Variants in KCND2 observed in about 807,000 individuals in gnomAD.
The protein encoded by KCND2 is potassium voltage-gated channel subfamily D member 2, also known as A-type voltage-gated potassium channel KCND2.
KCND2 carries 16 observed loss-of-function variants against 54.4 expected under a neutral mutation model. The ratio of observed to expected loss-of-function variants is 0.29; its 90% CI spans 0.20 to 0.45. The LOEUF (loss-of-function observed/expected upper bound fraction) is 0.45. Ranked by LOEUF, KCND2 falls within the 20% of genes least tolerant of loss-of-function variation. The pLI, the probability that KCND2 is intolerant of heterozygous loss-of-function variation, is 1.00. For synonymous variants in KCND2, 317 were observed against 310.7 expected (o/e 1.02, Z -0.21); for missense variants, 486 against 824.2 (o/e 0.59, Z 5.02).
chr7:120,274,409 G>T lies in KCND2; in HGVS notation c.-224G>T. The T allele has an allele frequency of 1.6e-6, 1 of 621,546 alleles. No homozygotes were observed. The highest frequency in any genetic ancestry group is 4.4e-4 in the Middle Eastern group (1 of 2,286). 38.5% of individuals were successfully genotyped at this position (621,546 alleles called of 1,614,324 possible). ...TTCTGTTGAGGGTGATTGTTAGGAC[G>T]TTGTATTTTGTTGCCATTATTCCAA... On this transcript the variant is annotated 5_prime_UTR_variant, in exon 1 of 6. Coordinates refer to ENST00000331113, the MANE Select transcript of KCND2 (RefSeq NM_012281.3).
chr7:120,568,079 A>G (rs922887961), intron 1 of KCND2, among the ~76,000 whole-genome samples: 1 of 152,152 alleles, frequency 6.6e-6, no homozygotes, highest in Admixed American at 6.6e-5. Context: ...CATCAAAAAA[A>G]AAAATTCAAG....
chr7:120,594,902 C>G (rs529526107), intron 1 of KCND2, among the ~76,000 whole-genome samples: 1 of 151,846 alleles, frequency 6.6e-6, no homozygotes, highest in Non-Finnish European at 1.5e-5. Context: ...TGCCTCTAAT[C>G]CTAGCTACTC....
chr7:120,357,021 A>C (rs983171247), intron 1 of KCND2, among the ~76,000 whole-genome samples: 2 of 152,074 alleles, frequency 1.3e-5, no homozygotes, highest in African/African-American at 4.8e-5. Context: ...TTCCCATAGT[A>C]AGCTCTTTAT....
intron 1 of KCND2, among the ~76,000 whole-genome samples, chr7:120,655,114 C>T (rs1033225587): frequency 1.3e-5 from 2 of 151,824 alleles, no homozygotes; most frequent in Admixed American, 1.3e-4. Flanking sequence ...AAGGGTTATA[C>T]ATGTTAATTC....
chr7:120,370,018 C>A (rs1800744298), intron 1 of KCND2, among the ~76,000 whole-genome samples: 1 of 151,898 alleles, frequency 6.6e-6, no homozygotes, highest in Non-Finnish European at 1.5e-5. Context: ...GGGGAAGAGA[C>A]TTGCAATGAA....
At chr7:120,450,325 G>T (rs764534003) in intron 1 of KCND2, among the ~76,000 whole-genome samples, 7 of 152,126 alleles carry the variant, frequency 4.6e-5, no homozygotes, top group Non-Finnish European at 7.4e-5. Flanking sequence ...CAGGAGAATC[G>T]ATTTAACCTG....
rs187869034 is a variant in KCND2 at position 120,688,153 on chromosome 7, A to G, written c.1116-44750A>G. On this transcript the variant is annotated intron_variant, in intron 1 of 5. Coordinates refer to ENST00000331113, the MANE Select transcript of KCND2 (RefSeq NM_012281.3). ...TCCTAGTTTATATTTAATGTAAAAA[A>G]TTGCAAATAACTGAAGTGTCCACTT... is the stretch of plus-strand genomic sequence containing the variant. 2.0e-5 allele frequency among the ~76,000 whole-genome samples: 3 copies of G among 152,328 alleles called. No individual in the cohort carries two copies. In the East Asian group the frequency reaches 5.8e-4, roughly 29 times the overall value.
At chr7:120,600,345 C>T (rs1022903980) in intron 1 of KCND2, among the ~76,000 whole-genome samples, 10 of 152,026 alleles carry the variant, frequency 6.6e-5, no homozygotes, top group African/African-American at 2.4e-4. Context: ...TAGTTCTGCT[C>T]TTTCAACTTC....
At chr7:120,612,082 A>G (rs1404601519) in intron 1 of KCND2, among the ~76,000 whole-genome samples, 1 of 152,224 alleles carries the variant, frequency 6.6e-6, no homozygotes, top group Non-Finnish European at 1.5e-5. Context: ...CATTTAACCA[A>G]TAGCACTCTC....
intron 1 of KCND2, among the ~76,000 whole-genome samples, chr7:120,686,669 A>G (rs559809082): frequency 6.6e-6 from 1 of 152,292 alleles, no homozygotes; most frequent in East Asian, 1.9e-4. Context: ...AGATGCAAGC[A>G]TTCCACATGC....
chr7:120,714,871 T>TAA (rs1204506003), intron 1 of KCND2, among the ~76,000 whole-genome samples: 2 of 151,850 alleles, frequency 1.3e-5, no homozygotes, highest in African/African-American at 2.4e-5. Flanking sequence ...TATATATATA[T>TAA]AATACCCACA....
chr7:120,440,196 G>C (rs1194405278), intron 1 of KCND2, among the ~76,000 whole-genome samples: 3 of 151,902 alleles, frequency 2.0e-5, no homozygotes, highest in African/African-American at 7.3e-5. Context: ...CATTCTAACT[G>C]GAGTGAGATG....
intron 1 of KCND2, among the ~76,000 whole-genome samples, chr7:120,680,557 G>T (rs1379060415): frequency 1.3e-5 from 2 of 152,132 alleles, no homozygotes; most frequent in Non-Finnish European, 2.9e-5. Flanking sequence ...TCTTTGATCA[G>T]ATGTCATGTT....
intron 1 of KCND2, among the ~76,000 whole-genome samples, chr7:120,574,138 C>T (rs938301301): frequency 6.6e-6 from 1 of 152,090 alleles, no homozygotes; most frequent in South Asian, 2.1e-4. Context: ...TTTTCTTGTT[C>T]TTTCACTAAA....
intron 1 of KCND2, among the ~76,000 whole-genome samples, chr7:120,323,576 A>G (rs1351381036): frequency 1.9e-4 from 29 of 149,122 alleles, no homozygotes; most frequent in Non-Finnish European, 3.9e-4. Flanking sequence ...GCGATAGTTT[A>G]CTGAGAATGA....
intron 1 of KCND2, among the ~76,000 whole-genome samples, chr7:120,585,329 G>A (rs370976941): frequency 1.6e-4 from 25 of 152,248 alleles, no homozygotes; most frequent in African/African-American, 5.8e-4. Flanking sequence ...TGGAGTGTGG[G>A]ACAGGAGATA....
chr7:120,381,216 C>T (rs1233016755), intron 1 of KCND2, among the ~76,000 whole-genome samples: 1 of 152,034 alleles, frequency 6.6e-6, no homozygotes, highest in African/African-American at 2.4e-5. Context: ...TATCACGCCA[C>T]TGTACTCCAG....
intron 1 of KCND2, among the ~76,000 whole-genome samples, chr7:120,516,258 C>T (rs1296290552): frequency 6.6e-6 from 1 of 151,880 alleles, no homozygotes; most frequent in African/African-American, 2.4e-5. Context: ...AATAATTTTC[C>T]TGGGATTTTA....
Position 120,404,979 on chromosome 7 carries a change from C to G in KCND2, c.1115+129232C>G, listed in dbSNP as rs184304647. 1.1e-3 allele frequency among the ~76,000 whole-genome samples: 175 copies of G among 152,210 alleles called. 1 individual carries two copies. Among genetic ancestry groups the G allele is most frequent in the African/African-American group, 4.1e-3 (172 of 41,558 alleles). ...AGTCACTCCAAAGTTACATTTGACT[C>G]TATAGAAAATCCCTTTGGGAATGAA... On this transcript the variant is annotated intron_variant, in intron 1 of 5. Transcript: ENST00000331113.
Sources: gnomAD v4.1 joint callset for allele counts (sites outside exome capture counted in the v4.1 genomes callset) on GRCh38, gnomAD v4.1.1 for gene constraint, MANE v1.5 for transcripts, NCBI Gene and HGNC (gene_info 2026-07-23, HGNC 2026-07-21) for gene names.